FBLN7: variants seen among roughly 807,000 people sequenced by gnomAD.
FBLN7 encodes fibulin-7.
Under a neutral mutation model 44.0 loss-of-function variants are expected in FBLN7, and 31 were observed. The observed-to-expected ratio is 0.70, with a 90% CI of 0.53 to 0.95. The LOEUF (loss-of-function observed/expected upper bound fraction) is 0.95, where lower values mean the gene tolerates loss of function less well. Among genes scored for constraint, FBLN7 ranks in the 40% least tolerant of loss-of-function variants. The pLI is 0.00. For synonymous variants in FBLN7, 262 were observed against 253.4 expected, an observed-to-expected ratio of 1.03 and a Z score of -0.32; for missense variants, 573 against 618.5, an observed-to-expected ratio of 0.93 and a Z score of 0.78.
the FBLN7 span, among the ~76,000 whole-genome samples, chr2:112,200,713 TA>T: frequency 2.0e-5 from 3 of 152,010 alleles, no homozygotes; most frequent in African/African-American, 7.3e-5. Context: ...GCATTTTTAG[TA>T]GAGGTGGGGT....
intron 2 of FBLN7, among the ~76,000 whole-genome samples, chr2:112,160,172 A>G (rs1681676742): frequency 6.6e-6 from 1 of 152,042 alleles, no homozygotes; most frequent in Non-Finnish European, 1.5e-5. Flanking sequence ...TTGTATTTTT[A>G]GTAGAGACGG....
chr2:112,201,288 G>A, the FBLN7 span, among the ~76,000 whole-genome samples: 6 of 152,192 alleles, frequency 3.9e-5, no homozygotes, highest in African/African-American at 9.7e-5. Context: ...GGGTGGGCCC[G>A]GAAGGCCTGT....
At chr2:112,199,156 T>C in the FBLN7 span, among the ~76,000 whole-genome samples, 1,719 of 152,272 alleles carry the variant, frequency 0.011, 18 homozygotes, top group Non-Finnish European at 0.019. Flanking sequence ...AGGAATTCCA[T>C]AGAAATGCCT....
At chr2:112,165,408 G>A (rs1373986907) in intron 3 of FBLN7, among the ~76,000 whole-genome samples, 1 of 152,124 alleles carries the variant, frequency 6.6e-6, no homozygotes, top group Non-Finnish European at 1.5e-5. Flanking sequence ...TGCATATGGG[G>A]AAACTGAGGC....
At chr2:112,173,292 AAG>A (rs1483411756) in intron 3 of FBLN7, among the ~76,000 whole-genome samples, 1 of 152,214 alleles carries the variant, frequency 6.6e-6, no homozygotes, top group African/African-American at 2.4e-5. Flanking sequence ...ATTATAAAAA[AAG>A]AGTAAAATTT....
the FBLN7 span, among the ~76,000 whole-genome samples, chr2:112,200,953 A>G: frequency 1.3e-5 from 2 of 152,272 alleles, no homozygotes; most frequent in Non-Finnish European, 2.9e-5. Flanking sequence ...AATGATGAAT[A>G]TTGAGCAAGT....
chr2:112,174,170 C>G (rs190912234), intron 3 of FBLN7, among the ~76,000 whole-genome samples: 35 of 152,324 alleles, frequency 2.3e-4, no homozygotes, highest in Admixed American at 1.6e-3. Flanking sequence ...GGTGGGCAAC[C>G]ATGGAGCTGG....
intron 3 of FBLN7, among the ~76,000 whole-genome samples, chr2:112,165,691 T>C (rs1319746063): frequency 6.6e-6 from 1 of 152,182 alleles, no homozygotes; most frequent in Non-Finnish European, 1.5e-5. Flanking sequence ...TGGTAACCTC[T>C]GGGGCTGAGG....
chr2:112,141,729 G>T (rs924858551), intron 1 of FBLN7, among the ~76,000 whole-genome samples: 1 of 152,232 alleles, frequency 6.6e-6, no homozygotes, highest in Non-Finnish European at 1.5e-5. Flanking sequence ...GCGTGGACAG[G>T]ATGTGTGATG....
chr2:112,151,303 A>C (rs1228213359), intron 1 of FBLN7: 1 of 152,188 alleles, frequency 6.6e-6, no homozygotes, highest in Non-Finnish European at 1.5e-5. Flanking sequence ...TGGCTAAATA[A>C]AAAGTGGGGT....
At chr2:112,139,068 T>C (rs377673915) in intron 1 of FBLN7, among the ~76,000 whole-genome samples, 36 of 11,462 alleles carry the variant, frequency 3.1e-3, no homozygotes, top group Admixed American at 8.4e-3. Flanking sequence ...TCTCTCCAGG[T>C]CAGCGTCCCT....
At chr2:112,200,129 G>A in the FBLN7 span, among the ~76,000 whole-genome samples, 1 of 152,328 alleles carries the variant, frequency 6.6e-6, no homozygotes, top group East Asian at 1.9e-4. Flanking sequence ...GGTTCCTGGT[G>A]GTCTTTGACT....
chr2:112,236,771 G>T, the FBLN7 span: 1 of 1,301,858 alleles, frequency 7.7e-7, no homozygotes, highest in Non-Finnish European at 1.1e-6. Context: ...ACGGGGCCAG[G>T]TGCAGTGGCT....
At chr2:112,216,867 T>C in the FBLN7 span, among the ~76,000 whole-genome samples, 3 of 150,632 alleles carry the variant, frequency 2.0e-5, no homozygotes, top group Admixed American at 2.0e-4. Flanking sequence ...GAAAGAAAAA[T>C]TTAATAGAAA....
At chr2:112,192,079 C>T (rs1319301654), downstream of FBLN7, among the ~76,000 whole-genome samples, 5 of 152,152 alleles carry the variant, frequency 3.3e-5, no homozygotes, top group Non-Finnish European at 2.9e-5. Context: ...TCCATAGAAC[C>T]ATATAGTATG....
chr2:112,237,195 G>A, the FBLN7 span, among the ~76,000 whole-genome samples: 1 of 152,202 alleles, frequency 6.6e-6, no homozygotes, highest in Non-Finnish European at 1.5e-5. Flanking sequence ...AGAGAATTAT[G>A]ATAATACATC....
chr2:112,200,154 C>G, the FBLN7 span, among the ~76,000 whole-genome samples: 4 of 152,190 alleles, frequency 2.6e-5, no homozygotes, highest in African/African-American at 9.6e-5. Context: ...GACATCAACT[C>G]CCAACTCAAG....
intron 1 of FBLN7, among the ~76,000 whole-genome samples, chr2:112,159,129 T>TA (rs374527549): frequency 1.1e-4 from 16 of 149,772 alleles, no homozygotes; most frequent in South Asian, 8.4e-4. Flanking sequence ...TTCTATGGCT[T>TA]AAAAAAAAAA....
chr2:112,238,427 T>G, the FBLN7 span: 1 of 1,613,706 alleles, frequency 6.2e-7, no homozygotes, highest in Non-Finnish European at 8.5e-7. Flanking sequence ...AATTATCTTC[T>G]GATTCCTGAC....
Sources: allele counts gnomAD v4.1 joint callset (sites outside exome capture counted in the v4.1 genomes callset), GRCh38; gene constraint gnomAD v4.1.1; transcripts MANE v1.5; gene names NCBI Gene and HGNC (gene_info 2026-07-23, HGNC 2026-07-21).